The following RALGAPB variants were observed in gnomAD, a reference collection of about 807,000 sequenced individuals.
RALGAPB encodes Ral GTPase activating protein non-catalytic subunit beta, also known as ral GTPase-activating protein subunit beta.
In RALGAPB, 25 loss-of-function variants were observed where a neutral mutation model predicts 161.1. The ratio of observed to expected loss-of-function variants is 0.16; its 90% CI spans 0.11 to 0.22. The LOEUF is 0.22. Ranked by LOEUF, RALGAPB falls within the 10% of genes least tolerant of loss-of-function variation. The pLI is 1.00. For synonymous variants in RALGAPB, 629 were observed against 626.1 expected (o/e 1.00, Z -0.07); for missense variants, 1,391 against 1,815.2 (o/e 0.77, Z 4.25).
chr20:38,484,013 T>C (rs895171107), intron 1 of RALGAPB, among the ~76,000 whole-genome samples: 1 of 151,760 alleles, frequency 6.6e-6, no homozygotes, highest in Non-Finnish European at 1.5e-5. Flanking sequence ...ATATGGTGAA[T>C]ACTAAAAATA....
At chr20:38,573,933 C>T in intron 28 of RALGAPB, 1 of 352,898 alleles carries the variant, frequency 2.8e-6, no homozygotes, top group South Asian at 1.1e-4. Context: ...AAGCTTGACC[C>T]AGTAATGGAC....
intron 9 of RALGAPB, among the ~76,000 whole-genome samples, chr20:38,521,254 G>A (rs1248806385): frequency 6.6e-6 from 1 of 152,172 alleles, no homozygotes; most frequent in Non-Finnish European, 1.5e-5. Flanking sequence ...AAATTCAGTT[G>A]AAAAATGCTT....
chr20:38,567,628 AACTC>A (rs750351125), intron 26 of RALGAPB, among the ~76,000 whole-genome samples: 1 of 152,242 alleles, frequency 6.6e-6, no homozygotes, highest in Non-Finnish European at 1.5e-5. Context: ...TAGGGAGAAT[AACTC>A]AGTATATGGA....
At chr20:38,504,950 G>A (rs1246544752) in intron 5 of RALGAPB, among the ~76,000 whole-genome samples, 1 of 152,188 alleles carries the variant, frequency 6.6e-6, no homozygotes, top group Non-Finnish European at 1.5e-5. Flanking sequence ...AGACTGCAGG[G>A]AAAAGGGAAT....
rs2087481391 is a variant in RALGAPB, at chr20:38,553,898, G to A, written c.3194G>A (p.Gly1065Asp). The change falls in exon 22 of 30, where the codon GGC becomes GAC. Residue 1065 changes from glycine to aspartate, a missense_variant. Gly to Asp is a moderately conservative substitution (Grantham distance 94, BLOSUM62 -1). Transcript: ENST00000262879. ...LEERHEKLRS[G>D]MAQQIAYEIH... ...GAGAGACACGAAAAATTAAGGAGTG[G>A]CATGGCCCAGCAGATTGCTTATGAA... 4 of 1,612,964 alleles carry A rather than the reference G, an allele frequency of 2.5e-6. No homozygotes were observed. The highest frequency in any genetic ancestry group is 2.2e-5 in the South Asian group (2 of 91,034).
At chr20:38,532,924 A>C in intron 15 of RALGAPB, 65 bp downstream of exon 15, 1 of 1,494,926 alleles carries the variant, frequency 6.7e-7, no homozygotes, top group Non-Finnish European at 9.1e-7. Context: ...CATTTATAAA[A>C]CAAAAACATT....
At chr20:38,518,845 T>G (rs1050383832) in intron 9 of RALGAPB, among the ~76,000 whole-genome samples, 2 of 152,126 alleles carry the variant, frequency 1.3e-5, no homozygotes, top group African/African-American at 4.8e-5. Context: ...TGGAAATAGA[T>G]CAAGACAAAA....
intron 18 of RALGAPB, among the ~76,000 whole-genome samples, chr20:38,545,930 G>A (rs2087147743): frequency 6.6e-6 from 1 of 152,184 alleles, no homozygotes; most frequent in Non-Finnish European, 1.5e-5. Flanking sequence ...AAGGGAGTAG[G>A]TCACTAAGAT....
intron 25 of RALGAPB, among the ~76,000 whole-genome samples, chr20:38,566,686 A>G (rs1363731757): frequency 6.6e-6 from 1 of 152,244 alleles, no homozygotes; most frequent in African/African-American, 2.4e-5. Context: ...ATTTGGCACA[A>G]TGCTACATGA....
At position 38,517,542 on chromosome 20, in the gene RALGAPB, C is replaced by T; in HGVS notation, c.1088C>T (p.Thr363Ile). The change falls in exon 8 of 30, where the codon ACA (threonine) becomes ATA (isoleucine). Residue 363 changes from threonine to isoleucine, a missense_variant. By Grantham distance (89) the Thr-to-Ile change is moderately conservative (BLOSUM62 -1). Coordinates refer to ENST00000262879, the MANE Select transcript of RALGAPB (RefSeq NM_020336.4). ...CCCCGATCAGACAGTGCTCCCCCAA[C>T]ACCCGTGAATAGATTAAGTATGCCT... ...SRPRSDSAPP[T>I]PVNRLSMPQS... 1 of 1,609,058 alleles carries T rather than the reference C, an allele frequency of 6.2e-7. No homozygotes were observed. The highest frequency in any genetic ancestry group is 8.5e-7 in the Non-Finnish European group (1 of 1,177,988).
At chr20:38,554,145 AT>A in intron 22 of RALGAPB, 69 bp downstream of exon 22, 1 of 1,340,164 alleles carries the variant, frequency 7.5e-7, no homozygotes, top group Non-Finnish European at 1.1e-6. Flanking sequence ...TAGCTAAAAT[AT>A]TTTTATCAGG....
At chr20:38,508,475 C>G (rs1416657536) in intron 5 of RALGAPB, among the ~76,000 whole-genome samples, 1 of 151,832 alleles carries the variant, frequency 6.6e-6, no homozygotes. Context: ...GGAAGAGGGA[C>G]AAGTAAAAAG....
intron 6 of RALGAPB, among the ~76,000 whole-genome samples, chr20:38,510,140 A>ACT (rs1238364156): frequency 7.1e-6 from 1 of 141,194 alleles, no homozygotes; most frequent in Non-Finnish European, 1.5e-5. Context: ...ATACACACAC[A>ACT]CACACACACA....
chr20:38,569,566 CAG>C (rs2088149957), intron 26 of RALGAPB: 1 of 219,684 alleles, frequency 4.6e-6, no homozygotes, highest in South Asian at 9.4e-5. Context: ...CTGGCCCTAA[CAG>C]AGATAGACTC....
chr20:38,574,855 G>T lies in RALGAPB; in HGVS notation c.4373G>T (p.Arg1458Leu), dbSNP rs770834241. ...GACTCCTACAGTCCCCCCCATGTCC[G>T]CCGGAAACAGAAAATCACCGACATT... is the stretch of plus-strand genomic sequence containing the variant. Reference protein sequence around the residue: ...ESDSYSPPHVRRKQKITDIVN... With the variant: ...ESDSYSPPHVLRKQKITDIVN... The change falls in exon 30 of 30, where the codon CGC becomes CTC. Residue 1458 changes from arginine to leucine, a missense_variant. By Grantham distance (102) the Arg-to-Leu change is moderately radical. Transcript: ENST00000262879. The T allele has an allele frequency of 1.9e-6, 3 of 1,613,390 alleles. No homozygotes were observed. Among genetic ancestry groups the T allele is most frequent in the African/African-American group, 1.3e-5 (1 of 74,864 alleles).
At position 38,517,488 on chromosome 20, in the gene RALGAPB, C is replaced by CT. The variant is rs745444282; in HGVS notation, c.1052-4dup. ...ACCTATGAAGAATAATTTCATTTGT[C>CT]TTTTTTTTTTTTTTAAGGTATTTCT... On this transcript the variant is annotated splice_polypyrimidine_tract_variant and intron_variant, in intron 7 of 29. Coordinates refer to ENST00000262879, the MANE Select transcript of RALGAPB (RefSeq NM_020336.4). The CT allele has an allele frequency of 0.13, 141,972 of 1,113,198 alleles. No homozygotes were observed. The highest frequency in any genetic ancestry group is 0.14 in the Non-Finnish European group (111,141 of 809,660). 69.0% of individuals were successfully genotyped at this position (1,113,198 alleles called of 1,614,324 possible).
At position 38,577,643 on chromosome 20, in the gene RALGAPB, A is replaced by T. The variant is rs2088483805; in HGVS notation, c.*2676A>T. The T allele has an allele frequency of 6.6e-6, 1 of 151,848 alleles. No individual in the cohort carries two copies. The highest frequency in any genetic ancestry group is 2.4e-5 in the African/African-American group (1 of 41,160). The allele number at this position is 151,848 out of a possible 1,614,324, so 9.4% of individuals were successfully genotyped here. On this transcript the variant is annotated 3_prime_UTR_variant, in exon 30 of 30. Coordinates refer to ENST00000262879, the MANE Select transcript of RALGAPB (RefSeq NM_020336.4). ...ATTTAGCTAGCTTTCCTTTTTGTCT[A>T]GGGCTTCCTCTTGAGACCCTCTTCC...
chr20:38,497,662 C>G, intron 4 of RALGAPB, 146 bp downstream of exon 4: 1 of 891,898 alleles, frequency 1.1e-6, no homozygotes, highest in South Asian at 1.8e-5. Flanking sequence ...AATGGAAACT[C>G]TCAGGCACAA....
intron 24 of RALGAPB, among the ~76,000 whole-genome samples, chr20:38,564,750 A>G (rs1166268116): frequency 1.3e-5 from 2 of 152,174 alleles, no homozygotes; most frequent in African/African-American, 4.8e-5. Context: ...ACATAGGCCA[A>G]CTTGAGGAGC....
Sources: gnomAD v4.1 joint callset for allele counts (sites outside exome capture counted in the v4.1 genomes callset) on GRCh38, gnomAD v4.1.1 for gene constraint, MANE v1.5 for transcripts, NCBI Gene and HGNC (gene_info 2026-07-23, HGNC 2026-07-21) for gene names.